The following PHYKPL variants were observed in gnomAD, a reference collection of about 807,000 sequenced individuals.
PHYKPL encodes 5-phosphohydroxy-L-lysine phospho-lyase.
Under a neutral mutation model 51.3 loss-of-function variants are expected in PHYKPL, and 42 were observed. The ratio of observed to expected loss-of-function variants is 0.82; its 90% CI spans 0.64 to 1.06. The LOEUF is 1.06. Among genes scored for constraint, PHYKPL ranks in the 50% least tolerant of loss-of-function variants. The probability of loss-of-function intolerance (pLI) is 0.00; values close to 1 mark genes in which losing one functional copy is unlikely to be tolerated. For synonymous variants in PHYKPL, 264 were observed against 236.0 expected, an observed-to-expected ratio of 1.12 and a Z score of -1.09; for missense variants, 655 against 586.6, an observed-to-expected ratio of 1.12 and a Z score of -1.20.
In PHYKPL at chr5:178,222,932, A is replaced by C. The variant is rs1272720407; in HGVS notation, c.621T>G (p.Ile207Met). ...GCAGAGACTCAGCGAAGAAGGCTGC[A>C]ATCTGTGAAGAGATGGACATTGGGA... ...VSSAQEKGRK[I>M]AAFFAESLPS... Residue 207 changes from isoleucine to methionine, a missense_variant and splice_region_variant, in exon 7 of 13, where the codon ATT (isoleucine) becomes ATG (methionine). Ile to Met is a conservative substitution (Grantham distance 10). Transcript: ENST00000308158. 6 of 1,613,976 alleles carry C rather than the reference A, an allele frequency of 3.7e-6. No homozygotes were observed. Among genetic ancestry groups the C allele is most frequent in the Non-Finnish European group, 4.2e-6 (5 of 1,180,000 alleles).
At chr5:178,227,476 T>C (rs541311876) in intron 3 of PHYKPL, among the ~76,000 whole-genome samples, 1 of 152,324 alleles carries the variant, frequency 6.6e-6, no homozygotes, top group South Asian at 2.1e-4. Flanking sequence ...ACTCATGTAC[T>C]GAGTCTTGAG....
Position 178,217,409 on chromosome 5 carries a change from C to T in PHYKPL, c.928-1979G>A, listed in dbSNP as rs537350197. 5.3e-4 allele frequency among the ~76,000 whole-genome samples: 81 copies of T among 151,854 alleles called. 2 individuals are homozygous for T. The South Asian group carries it at 0.015, about 27-fold the overall frequency. On this transcript the variant is annotated intron_variant, in intron 8 of 12. Transcript: ENST00000308158. ...CTAATTTTTGTATTTTTAGTAGAGA[C>T]GGAGTTTCACTGTGTTGGCCAGGCT... is the stretch of plus-strand genomic sequence containing the variant.
At chr5:178,213,199 G>A in intron 10 of PHYKPL, 96 bp from the exon 11 acceptor site, 1 of 1,510,414 alleles carries the variant, frequency 6.6e-7, no homozygotes, top group Non-Finnish European at 9.0e-7. Flanking sequence ...TGTCCTCAGA[G>A]CCTTCCATGG....
chr5:178,210,250 C>T, intron 12 of PHYKPL: 2 of 1,613,916 alleles, frequency 1.2e-6, no homozygotes, highest in Non-Finnish European at 1.7e-6. Flanking sequence ...GCTATTACGG[C>T]TACGGCCCCG....
intron 12 of PHYKPL, chr5:178,210,011 C>G: frequency 7.2e-7 from 1 of 1,393,972 alleles, no homozygotes; most frequent in Non-Finnish European, 9.8e-7. Flanking sequence ...AACAGCAGCC[C>G]CTTGGCTTCT....
chr5:178,209,440 A>C, intron 12 of PHYKPL: 1 of 1,613,372 alleles, frequency 6.2e-7, no homozygotes, highest in Non-Finnish European at 8.5e-7. Flanking sequence ...GTGGTGGTGG[A>C]GGTGGAGGTG....
intron 2 of PHYKPL, chr5:178,230,690 A>G (rs975554267): frequency 1.3e-5 from 2 of 155,208 alleles, no homozygotes; most frequent in African/African-American, 2.4e-5. Flanking sequence ...GCCAAGGATA[A>G]TAACAGTGAA....
chr5:178,225,150 C>A (rs1453033095), intron 4 of PHYKPL: 1 of 614,406 alleles, frequency 1.6e-6, no homozygotes, highest in South Asian at 2.0e-5. Context: ...CACTCTGCTC[C>A]CCAGAGCTGC....
intron 12 of PHYKPL, chr5:178,209,312 T>C (rs1436582318): frequency 1.2e-6 from 2 of 1,608,568 alleles, no homozygotes; most frequent in South Asian, 2.2e-5. Flanking sequence ...GCCTGACCAC[T>C]GTCCTCTTGA....
chr5:178,214,529 G>A (rs1467764305), intron 10 of PHYKPL, among the ~76,000 whole-genome samples: 1 of 152,160 alleles, frequency 6.6e-6, no homozygotes, highest in Admixed American at 6.5e-5. Flanking sequence ...GTGCTGCTCT[G>A]GTCTGGGAAT....
At chr5:178,230,150 A>C (rs763266422) in intron 2 of PHYKPL, 51 bp from the exon 3 acceptor site, 6 of 1,605,478 alleles carry the variant, frequency 3.7e-6, no homozygotes, top group Non-Finnish European at 5.1e-6. Flanking sequence ...AGCCAGTCCC[A>C]CTGGGCCTCC....
intron 6 of PHYKPL, chr5:178,223,800 A>C (rs1581316835): frequency 7.2e-6 from 2 of 276,128 alleles, no homozygotes; most frequent in Non-Finnish European, 1.4e-5. Flanking sequence ...TAGGTAACAC[A>C]CCTCTCTCTC....
chr5:178,218,342 G>A (rs980338731), intron 8 of PHYKPL, among the ~76,000 whole-genome samples: 1 of 151,756 alleles, frequency 6.6e-6, no homozygotes, highest in South Asian at 2.1e-4. Context: ...ATATGAAAAC[G>A]TTAAAAACCC....
At chr5:178,223,025 G>A in intron 6 of PHYKPL, 91 bp from the exon 7 acceptor site, 1 of 1,262,508 alleles carries the variant, frequency 7.9e-7, no homozygotes, top group East Asian at 2.4e-5. Flanking sequence ...GTCCAAGCAA[G>A]ACAAGTCACC....
At chr5:178,220,881 T>C (rs1367988011) in intron 8 of PHYKPL, among the ~76,000 whole-genome samples, 1 of 152,000 alleles carries the variant, frequency 6.6e-6, no homozygotes, top group East Asian at 1.9e-4. Flanking sequence ...GATATGTTAG[T>C]AGAAAAAAAA....
chr5:178,209,101 ATGCCCATCTCAAG>A, intron 12 of PHYKPL, among the ~76,000 whole-genome samples, 186 bp from the exon 13 acceptor site: 1 of 152,256 alleles, frequency 6.6e-6, no homozygotes, highest in East Asian at 1.9e-4. Flanking sequence ...TGGGGCTGAG[ATGCCCATCTCAAG>A]TGCATTCTGT....
At chr5:178,225,784 CACCAG>C (rs1762164978) in intron 3 of PHYKPL, 1 of 289,172 alleles carries the variant, frequency 3.5e-6, no homozygotes, top group Non-Finnish European at 6.8e-6. Context: ...TTCTCCCCAC[CACCAG>C]GCAAGCAATC....
At chr5:178,213,978 C>G (rs907166837) in intron 10 of PHYKPL, among the ~76,000 whole-genome samples, 3 of 152,200 alleles carry the variant, frequency 2.0e-5, no homozygotes, top group African/African-American at 4.8e-5. Flanking sequence ...GATCTGTTTC[C>G]TTCCATGCCA....
chr5:178,209,213 T>C, intron 12 of PHYKPL: 1 of 852,408 alleles, frequency 1.2e-6, no homozygotes. Context: ...TAGCATATTT[T>C]GTTTCTCAGC....
Sources: gnomAD v4.1 joint callset for allele counts (sites outside exome capture counted in the v4.1 genomes callset) on GRCh38, gnomAD v4.1.1 for gene constraint, MANE v1.5 for transcripts, NCBI Gene and HGNC (gene_info 2026-07-23, HGNC 2026-07-21) for gene names.